The following NRAS variants were observed in gnomAD, a reference collection of about 807,000 sequenced individuals.
The protein encoded by NRAS is NRAS proto-oncogene, GTPase.
NRAS carries 6 observed loss-of-function variants against 21.3 expected under a neutral mutation model. The ratio of observed to expected loss-of-function variants is 0.28; its 90% CI spans 0.15 to 0.56. NRAS has a LOEUF of 0.56. Among genes scored for constraint, NRAS ranks in the 20% least tolerant of loss-of-function variants. The pLI, the probability that NRAS is intolerant of heterozygous loss-of-function variation, is 0.93. For missense variants in NRAS, 143 were observed against 231.3 expected (o/e 0.62, Z 2.48); for synonymous variants, 84 against 82.0 (o/e 1.02, Z -0.13).
Position 114,705,950 on chromosome 1 carries a change from C to T in NRAS, c.*2144G>A, listed in dbSNP as rs538856410. 1 of 152,160 alleles carries T rather than the reference C, an allele frequency of 6.6e-6. No homozygotes were observed. Among genetic ancestry groups the T allele is most frequent in the Non-Finnish European group, 1.5e-5 (1 of 68,036 alleles). The allele number at this position is 152,160 out of a possible 1,614,324, so 9.4% of individuals were successfully genotyped here. On this transcript the variant is annotated 3_prime_UTR_variant, in exon 7 of 7. Transcript: ENST00000369535. Reference sequence around the variant, plus strand: ...GTAACTATCTTTCTCCCTAATTTGACATCAAATTTAATAGATTTTTAAGAA... The same window carrying T: ...GTAACTATCTTTCTCCCTAATTTGATATCAAATTTAATAGATTTTTAAGAA...
In NRAS at chr1:114,705,231, G is replaced by A. The variant is rs537913563; in HGVS notation, c.*2863C>T. ...AAGGATGGTGAAAGACTAAACATGG[G>A]CCCACTAAAATAGAGATTAATTTTA... is the stretch of plus-strand genomic sequence containing the variant. On this transcript the variant is annotated 3_prime_UTR_variant, in exon 7 of 7. Coordinates refer to ENST00000369535, the MANE Select transcript of NRAS (RefSeq NM_002524.5). 9.9e-5 allele frequency: 15 copies of A among 152,164 alleles called. No individual in the cohort carries two copies. The highest frequency in any genetic ancestry group is 3.4e-4 in the African/African-American group (14 of 41,502). 9.4% of individuals were successfully genotyped at this position (152,164 alleles called of 1,614,324 possible). A position where few individuals can be genotyped will look rare whatever the true frequency, so the allele number is the denominator to read the frequency against.
intron 1 of NRAS, 91 bp from the exon 2 acceptor site, chr1:114,716,268 G>A (rs1214171234): frequency 3.7e-6 from 3 of 818,854 alleles, no homozygotes; most frequent in Non-Finnish European, 6.5e-6. Flanking sequence ...AAACCCTAGT[G>A]TGACCTTCCA....
intron 2 of NRAS, among the ~76,000 whole-genome samples, chr1:114,714,358 C>T (rs1174311716): frequency 6.6e-6 from 1 of 152,170 alleles, no homozygotes; most frequent in Non-Finnish European, 1.5e-5. Flanking sequence ...GTTTATTTTA[C>T]TTAAAGAAAT....
At position 114,706,426 on chromosome 1, in the gene NRAS, T is replaced by C. The variant is rs1345458074; in HGVS notation, c.*1668A>G. On this transcript the variant is annotated 3_prime_UTR_variant, in exon 7 of 7. Coordinates refer to ENST00000369535, the MANE Select transcript of NRAS (RefSeq NM_002524.5). The stretch of plus-strand genomic sequence containing the variant: ...TCCTCATAGGTATCAATTAATTATA[T>C]TTTCCATTCCTGTCTCAACAATTTC... 1.3e-5 allele frequency: 2 copies of C among 152,210 alleles called. No homozygotes were observed. The highest frequency in any genetic ancestry group is 2.9e-5 in the Non-Finnish European group (2 of 68,032). 9.4% of individuals were successfully genotyped at this position (152,210 alleles called of 1,614,324 possible).
chr1:114,716,086 C>T lies in NRAS; in HGVS notation c.75G>A (p.Gln25=), dbSNP rs570328042. The T allele has an allele frequency of 1.2e-6, 2 of 1,613,964 alleles. No homozygotes were observed. The highest frequency in any genetic ancestry group is 2.2e-5 in the South Asian group (2 of 91,078). ...GKSALTIQLI[Q]NHFVDEYDPT... ...GATCATATTCATCTACAAAGTGGTT[C>T]TGGATTAGCTGGATTGTCAGTGCGC... Residue 25 remains glutamine (Q), a synonymous_variant, in exon 2 of 7, where the codon CAG becomes CAA. Coordinates refer to ENST00000369535, the MANE Select transcript of NRAS (RefSeq NM_002524.5).
rs1658879826 is a variant in NRAS, at chr1:114,705,069, A to G, written c.*3025T>C. The G allele has an allele frequency of 6.6e-6, 1 of 152,230 alleles. No homozygotes were observed. Among genetic ancestry groups the G allele is most frequent in the African/African-American group, 2.4e-5 (1 of 41,462 alleles). 9.4% of individuals were successfully genotyped at this position (152,230 alleles called of 1,614,324 possible). On this transcript the variant is annotated 3_prime_UTR_variant, in exon 7 of 7. Coordinates refer to ENST00000369535, the MANE Select transcript of NRAS (RefSeq NM_002524.5). ...GGTTCTTGGTTGTAGCTGCCAACTT[A>G]GGAGTTCATGACTATAAATATAAAG...
chr1:114,714,361 A>C (rs1659111400), intron 2 of NRAS, among the ~76,000 whole-genome samples: 1 of 152,248 alleles, frequency 6.6e-6, no homozygotes, highest in Non-Finnish European at 1.5e-5. Context: ...TATTTTACTT[A>C]AAGAAATCTA....
Position 114,708,658 on chromosome 1 carries a change from T to C in NRAS, c.451-4A>G. 1 of 1,613,434 alleles carries C rather than the reference T, an allele frequency of 6.2e-7. No individual in the cohort carries two copies. The highest frequency in any genetic ancestry group is 8.5e-7 in the Non-Finnish European group (1 of 1,179,638). On this transcript the variant is annotated splice_polypyrimidine_tract_variant and splice_region_variant and intron_variant, in intron 4 of 6. Transcript: ENST00000369535. ...TGTAAAAAGCATCTTCAACACCCTA[T>C]AAAAGGAAAAAATGAAAAAAAATGA...
chr1:114,713,536 AATT>A lies in NRAS; in HGVS notation c.290+261_290+263del, dbSNP rs566793263. On this transcript the variant is annotated intron_variant, in intron 3 of 6. Transcript: ENST00000369535. Reference sequence around the variant, plus strand: ...TCTCTGAAATTCCTTCGTGATCTCTAATTACAACAACTCTGGTTCCAAGTCATT... The same window carrying A: ...TCTCTGAAATTCCTTCGTGATCTCTAACAACAACTCTGGTTCCAAGTCATT... 5.9e-5 allele frequency among the ~76,000 whole-genome samples: 9 copies of A among 152,312 alleles called. No homozygotes were observed. The South Asian group carries it at 1.9e-3, about 32-fold the overall frequency.
rs1659096581 is a variant in NRAS, at chr1:114,713,819, C to T, written c.271G>A (p.Ala91Thr). ...VFAINNSKSF[A>T]DINLYREQIK... The stretch of plus-strand genomic sequence containing the variant: ...TAGTACCTGTAGAGGTTAATATCCG[C>T]AAATGACTTGCTATTATTGATGGCA... The change falls in exon 3 of 7, where the codon GCG becomes ACG. Residue 91 changes from alanine (A) to threonine (T), a missense_variant. Ala to Thr is a moderately conservative substitution (Grantham distance 58). Transcript: ENST00000369535. 1 of 1,614,064 alleles carries T rather than the reference C, an allele frequency of 6.2e-7. No homozygotes were observed. Among genetic ancestry groups the T allele is most frequent in the Non-Finnish European group, 8.5e-7 (1 of 1,179,940 alleles).
chr1:114,715,673 A>G (rs560803101), intron 2 of NRAS, among the ~76,000 whole-genome samples: 1 of 152,200 alleles, frequency 6.6e-6, no homozygotes. Flanking sequence ...GCTAATAAAT[A>G]AATATTGAAG....
intron 1 of NRAS, 122 bp from the exon 2 acceptor site, chr1:114,716,299 G>C (rs962971674): frequency 2.2e-5 from 16 of 730,102 alleles, no homozygotes; most frequent in African/African-American, 3.5e-5. Flanking sequence ...AAAGTGACTA[G>C]AGAACGCAAA....
Position 114,713,900 on chromosome 1 carries a change from A to C in NRAS, c.190T>G (p.Tyr64Asp), listed in dbSNP as rs752508313. The change falls in exon 3 of 7, where the codon TAC becomes GAC. Residue 64 changes from tyrosine to aspartate, a missense_variant. By Grantham distance (160) the Tyr-to-Asp change is radical. Coordinates refer to ENST00000369535, the MANE Select transcript of NRAS (RefSeq NM_002524.5). ...DILDTAGQEE[Y>D]SAMRDQYMRT... is the part of the protein sequence containing the mutation. ...ATGTATTGGTCTCTCATGGCACTGT[A>C]CTCTTCTTGTCCAGCTGTATCCAGT... 6.2e-7 allele frequency: 1 copy of C among 1,612,016 alleles called. No homozygotes were observed. Among genetic ancestry groups the C allele is most frequent in the Non-Finnish European group, 8.5e-7 (1 of 1,179,066 alleles).
intron 5 of NRAS, 37 bp from the exon 6 acceptor site, chr1:114,708,229 T>C: frequency 2.7e-6 from 1 of 367,720 alleles, no homozygotes; most frequent in Middle Eastern, 7.9e-4. Context: ...CCTTATTAAC[T>C]AGTTTCAAAG....
intron 3 of NRAS, among the ~76,000 whole-genome samples, chr1:114,712,997 A>C (rs1659078313): frequency 6.6e-6 from 1 of 152,152 alleles, no homozygotes; most frequent in African/African-American, 2.4e-5. Flanking sequence ...TGACTCCAAA[A>C]CCTAACAAAC....
chr1:114,713,028 T>C (rs1395241469), intron 3 of NRAS, among the ~76,000 whole-genome samples: 2 of 152,254 alleles, frequency 1.3e-5, no homozygotes, highest in East Asian at 3.8e-4. Context: ...ACTCTGTTTC[T>C]GATTCTGCAA....
chr1:114,714,007 GA>G, intron 2 of NRAS, 29 bp from the exon 3 acceptor site: 1 of 1,001,078 alleles, frequency 1.0e-6, no homozygotes, highest in Non-Finnish European at 1.5e-6. Context: ...AGGGGGCAGG[GA>G]GGGAGGGAAG....
intron 2 of NRAS, among the ~76,000 whole-genome samples, chr1:114,715,303 G>C (rs1214193760): frequency 1.3e-5 from 2 of 152,190 alleles, no homozygotes; most frequent in Non-Finnish European, 2.9e-5. Flanking sequence ...GGGATTACAG[G>C]CGTGAGCCAC....
In NRAS at chr1:114,708,631, TG is replaced by T; in HGVS notation, c.473del (p.Thr158AsnfsTer3). ...GGTACTGGCGTATTTCTCTTACCAG[TG>T]TGTAAAAAGCATCTTCAACACCCTA... is the stretch of plus-strand genomic sequence containing the variant. ...TRQGVEDAFY[T>X]LVREIRQYRM... On this transcript the variant is annotated frameshift_variant, in exon 5 of 7. Transcript: ENST00000369535. LOFTEE classifies it high-confidence loss of function. 6.2e-7 allele frequency: 1 copy of T among 1,613,586 alleles called. No individual in the cohort carries two copies. Among genetic ancestry groups the T allele is most frequent in the Non-Finnish European group, 8.5e-7 (1 of 1,179,550 alleles).
Sources: allele counts gnomAD v4.1 joint callset (sites outside exome capture counted in the v4.1 genomes callset), GRCh38; gene constraint gnomAD v4.1.1; transcripts MANE v1.5; gene names NCBI Gene and HGNC (gene_info 2026-07-23, HGNC 2026-07-21).